The following CEACAM18 variants were observed in gnomAD, a reference collection of about 807,000 sequenced individuals.
CEACAM18 encodes the protein cell adhesion molecule CEACAM18.
CEACAM18 carries 33 observed loss-of-function variants against 34.3 expected under a neutral mutation model. The ratio of observed to expected loss-of-function variants is 0.96; its 90% CI spans 0.73 to 1.29. The LOEUF is 1.29. Ranked by LOEUF, CEACAM18 falls within the 50% of genes most tolerant of loss-of-function variation. CEACAM18 has a pLI of 0.00. For missense variants in CEACAM18, 474 were observed against 485.0 expected, an observed-to-expected ratio of 0.98 and a Z score of 0.21; for synonymous variants, 169 against 180.9, an observed-to-expected ratio of 0.93 and a Z score of 0.53.
exon 5 of CEACAM18, chr19:51,485,061 C>G: frequency 6.5e-7 from 1 of 1,535,826 alleles, no homozygotes; most frequent in South Asian, 1.2e-5. Flanking sequence ...GCTGACAGTG[C>G]TGGGTGGCGT....
intron 5 of CEACAM18, among the ~76,000 whole-genome samples, chr19:51,486,385 C>T (rs923965129): frequency 5.9e-5 from 9 of 152,106 alleles, no homozygotes; most frequent in African/African-American, 2.2e-4. Flanking sequence ...GCCTCTGAGC[C>T]TTAAAAACAA....
intron 3 of CEACAM18, among the ~76,000 whole-genome samples, chr19:51,482,199 C>T (rs556427804): frequency 2.0e-5 from 3 of 151,936 alleles, no homozygotes; most frequent in Non-Finnish European, 2.9e-5. Flanking sequence ...AGCTGCCTAC[C>T]GGGGCAAGTT....
chr19:51,478,629 A>G (rs1432297812), exon 1 of CEACAM18: 1 of 1,572,032 alleles, frequency 6.4e-7, no homozygotes, highest in Non-Finnish European at 8.6e-7. Context: ...CTCCTGGAGG[A>G]CCCCAGGCAG....
intron 5 of CEACAM18, among the ~76,000 whole-genome samples, chr19:51,489,026 A>G (rs1235236467): frequency 6.6e-6 from 1 of 151,634 alleles, no homozygotes; most frequent in Non-Finnish European, 1.5e-5. Flanking sequence ...GCTTCTGTCC[A>G]TAATGATCCT....
exon 3 of CEACAM18, chr19:51,481,438 TGGA>T: frequency 6.2e-7 from 1 of 1,613,950 alleles, no homozygotes; most frequent in South Asian, 1.1e-5. Context: ...AGCTCCCTGG[TGGA>T]GAACATGGAT....
downstream of CEACAM18, chr19:51,491,216 T>G (rs1990090437): frequency 6.3e-6 from 1 of 159,804 alleles, no homozygotes; most frequent in African/African-American, 2.4e-5. Flanking sequence ...ATTTAATTTT[T>G]TTTTTTTTTT....
intron 4 of CEACAM18, among the ~76,000 whole-genome samples, chr19:51,484,231 A>G (rs1989964116): frequency 6.6e-6 from 1 of 151,932 alleles, no homozygotes. Flanking sequence ...ACCAGACACG[A>G]TGTGTGCATG....
rs138954277 is a variant in CEACAM18, at chr19:51,485,067, G to C, written c.1034G>C (p.Trp345Ser). The C allele has an allele frequency of 1.1e-3, 1,741 of 1,535,726 alleles. 19 individuals carry two copies. The East Asian group carries it at 0.026, about 23-fold the overall frequency. ...CCTCATCATGCTGACAGTGCTGGGT[G>C]GCGTTTACATCTGTGGAGTCCTGAT... Residue 345 changes from tryptophan (W) to serine (S), a missense_variant, in exon 5 of 6, where the codon TGG (tryptophan) becomes TCG (serine). Physicochemically the swap from Trp to Ser is radical, Grantham distance 177. Coordinates refer to ENST00000396477, the Ensembl canonical transcript of CEACAM18.
chr19:51,479,610 G>A lies in CEACAM18; in HGVS notation c.53-723G>A, dbSNP rs562317207. On this transcript the variant is annotated intron_variant, in intron 1 of 5. Transcript: ENST00000396477. Reference sequence around the variant, plus strand: ...GGGGGGAGCCCAGGAGGAGCTGGGGGAGCCCAGAGGGGACACCTGACCCAG... The same window carrying A: ...GGGGGGAGCCCAGGAGGAGCTGGGGAAGCCCAGAGGGGACACCTGACCCAG... Among the ~76,000 whole-genome samples the A allele has an allele frequency of 2.2e-3, 331 of 152,272 alleles. 8 individuals are homozygous for A. The South Asian group carries it at 0.038, about 17-fold the overall frequency.
chr19:51,489,442 C>T (rs994501986), intron 5 of CEACAM18, among the ~76,000 whole-genome samples: 1 of 151,904 alleles, frequency 6.6e-6, no homozygotes, highest in African/African-American at 2.4e-5. Flanking sequence ...GATCTGGATA[C>T]CACCCAAAAG....
intron 5 of CEACAM18, among the ~76,000 whole-genome samples, chr19:51,490,131 C>T (rs1461075518): frequency 6.6e-6 from 1 of 152,206 alleles, no homozygotes; most frequent in Admixed American, 6.5e-5. Flanking sequence ...CAAGTAACAT[C>T]ACCTCTCTGG....
chr19:51,491,180 T>C (rs552228598), downstream of CEACAM18, among the ~76,000 whole-genome samples: 3 of 151,994 alleles, frequency 2.0e-5, no homozygotes, highest in Non-Finnish European at 4.4e-5. Context: ...ATCGTCAGCA[T>C]GATTAGCACA....
chr19:51,490,629 A>G, exon 6 of CEACAM18: 5 of 1,232,552 alleles, frequency 4.1e-6, no homozygotes, highest in Non-Finnish European at 5.1e-6. Flanking sequence ...ACCTGAGGAC[A>G]AGACCAGAAG....
Position 51,481,550 on chromosome 19 carries a change from C to T in CEACAM18, c.558C>T (p.Asp186=), listed in dbSNP as rs61732536. 5.6e-4 allele frequency: 910 copies of T among 1,614,010 alleles called. 5 individuals carry two copies. The African/African-American group carries it at 9.3e-3, about 17-fold the overall frequency. Reference sequence around the variant, plus strand: ...GTGACCGGATGACAATTTCCCCAGACGGCAAGACCCTCGTCATCCTCAGGG... The same window carrying T: ...GTGACCGGATGACAATTTCCCCAGATGGCAAGACCCTCGTCATCCTCAGGG... The change falls in exon 3 of 6, where the codon GAC becomes GAT. Residue 186 remains aspartate, a synonymous_variant. Coordinates refer to ENST00000396477, the Ensembl canonical transcript of CEACAM18.
chr19:51,483,411 C>A, intron 4 of CEACAM18, 115 bp downstream of exon 4: 1 of 1,284,470 alleles, frequency 7.8e-7, no homozygotes, highest in South Asian at 1.3e-5. Context: ...ATGCTCTCAA[C>A]CTCTGGGTGA....
At chr19:51,483,204 C>T (rs1599943624) in exon 4 of CEACAM18, 1 of 1,614,026 alleles carries the variant, frequency 6.2e-7, no homozygotes, top group Non-Finnish European at 8.5e-7. Context: ...CGAGTCTTGC[C>T]TGGGAGCAGA....
intron 5 of CEACAM18, among the ~76,000 whole-genome samples, 199 bp downstream of exon 5, chr19:51,485,321 C>T (rs969243205): frequency 6.6e-6 from 1 of 152,174 alleles, no homozygotes; most frequent in African/African-American, 2.4e-5. Context: ...TAGAGTCGGC[C>T]ATGGTTCTAA....
At chr19:51,488,513 A>G (rs2122193998) in intron 5 of CEACAM18, among the ~76,000 whole-genome samples, 1 of 152,354 alleles carries the variant, frequency 6.6e-6, no homozygotes, top group Middle Eastern at 3.4e-3. Flanking sequence ...ATAATCATAA[A>G]TAGGTTCAAT....
At chr19:51,480,115 G>C (rs1989884022) in intron 1 of CEACAM18, among the ~76,000 whole-genome samples, 4 of 152,120 alleles carry the variant, frequency 2.6e-5, no homozygotes, top group Admixed American at 2.6e-4. Context: ...TAGCGAGGAG[G>C]GCCTGGGAGA....
Sources: allele counts gnomAD v4.1 joint callset (sites outside exome capture counted in the v4.1 genomes callset), GRCh38; gene constraint gnomAD v4.1.1; transcripts MANE v1.5; gene names NCBI Gene and HGNC (gene_info 2026-07-23, HGNC 2026-07-21).